DENND1A: variants seen among roughly 807,000 people sequenced by gnomAD.
DENND1A encodes DENN domain containing 1A.
A neutral mutation model predicts 113.7 loss-of-function variants in DENND1A; 51 were observed. That is an observed-to-expected ratio of 0.45 (90% confidence interval 0.36 to 0.57). The LOEUF (loss-of-function observed/expected upper bound fraction) is 0.57, where lower values mean the gene tolerates loss of function less well. DENND1A is among the 20% of genes least tolerant of loss of function. The probability of loss-of-function intolerance (pLI) is 0.00; values close to 1 mark genes in which losing one functional copy is unlikely to be tolerated. For synonymous variants in DENND1A, 565 were observed against 570.8 expected (o/e 0.99, Z 0.14); for missense variants, 1,258 against 1,395.9 (o/e 0.90, Z 1.57).
intron 10 of DENND1A, among the ~76,000 whole-genome samples, chr9:123,613,461 A>G (rs1446983341): frequency 6.6e-6 from 1 of 152,168 alleles, no homozygotes; most frequent in East Asian, 1.9e-4. Context: ...ACCAAAATCC[A>G]TCTACTAGAA....
At chr9:123,716,389 TAA>T (rs1029061775) in intron 5 of DENND1A, among the ~76,000 whole-genome samples, 2 of 152,104 alleles carry the variant, frequency 1.3e-5, no homozygotes, top group African/African-American at 2.4e-5. Context: ...CAGCATTAGC[TAA>T]AAGAGTGTTC....
intron 11 of DENND1A, among the ~76,000 whole-genome samples, chr9:123,603,836 C>T (rs1202512849): frequency 6.6e-6 from 1 of 152,348 alleles, no homozygotes; most frequent in Non-Finnish European, 1.5e-5. Context: ...ACCTCTGTCA[C>T]AGCTTGGTAG....
At chr9:123,876,754 T>TA (rs1244927431) in intron 2 of DENND1A, among the ~76,000 whole-genome samples, 2 of 152,188 alleles carry the variant, frequency 1.3e-5, no homozygotes, top group Non-Finnish European at 2.9e-5. Flanking sequence ...TAAATCATAT[T>TA]AAAAAGATAA....
At chr9:123,846,027 T>G (rs1228573282) in intron 2 of DENND1A, among the ~76,000 whole-genome samples, 1 of 152,184 alleles carries the variant, frequency 6.6e-6, no homozygotes, top group East Asian at 1.9e-4. Flanking sequence ...TGGTAATTTT[T>G]TAAACGACCC....
intron 4 of DENND1A, among the ~76,000 whole-genome samples, chr9:123,761,349 G>GGTCA (rs2071021694): frequency 6.6e-6 from 1 of 152,182 alleles, no homozygotes; most frequent in South Asian, 2.1e-4. Flanking sequence ...TTAGTATAAA[G>GGTCA]GTCAGTCCAG....
intron 21 of DENND1A, among the ~76,000 whole-genome samples, chr9:123,398,434 G>T (rs1183166750): frequency 2.0e-5 from 3 of 152,128 alleles, no homozygotes; most frequent in African/African-American, 7.2e-5. Context: ...GAGTGCAGTG[G>T]TGCGATCTCG....
At chr9:123,726,224 T>C (rs1490201191) in intron 5 of DENND1A, among the ~76,000 whole-genome samples, 2 of 152,240 alleles carry the variant, frequency 1.3e-5, no homozygotes, top group Non-Finnish European at 2.9e-5. Flanking sequence ...GGACTTTACA[T>C]GTATTTCATT....
At chr9:123,556,774 T>C (rs912014241) in intron 13 of DENND1A, among the ~76,000 whole-genome samples, 1 of 152,238 alleles carries the variant, frequency 6.6e-6, no homozygotes, top group Non-Finnish European at 1.5e-5. Flanking sequence ...CCCAGGTCCC[T>C]AGGCCAGTTC....
intron 16 of DENND1A, among the ~76,000 whole-genome samples, chr9:123,453,838 G>C (rs765471434): frequency 3.9e-5 from 6 of 152,166 alleles, no homozygotes; most frequent in Non-Finnish European, 8.8e-5. Flanking sequence ...ATTCCATACT[G>C]CTTTCCAAAA....
At chr9:123,468,418 G>A (rs2049127437) in intron 13 of DENND1A, among the ~76,000 whole-genome samples, 1 of 152,166 alleles carries the variant, frequency 6.6e-6, no homozygotes, top group African/African-American at 2.4e-5. Context: ...ACAACCCCTG[G>A]TACAGGTGAA....
chr9:123,536,203 A>G (rs1024562582), intron 13 of DENND1A, among the ~76,000 whole-genome samples: 1 of 152,180 alleles, frequency 6.6e-6, no homozygotes, highest in Non-Finnish European at 1.5e-5. Flanking sequence ...TTGGACAGGC[A>G]TAGTAGCTCA....
intron 18 of DENND1A, among the ~76,000 whole-genome samples, chr9:123,449,700 G>A (rs1183614086): frequency 6.6e-6 from 1 of 152,176 alleles, no homozygotes; most frequent in East Asian, 1.9e-4. Context: ...GCAGCAGCCT[G>A]GATGGGATTG....
intron 5 of DENND1A, among the ~76,000 whole-genome samples, chr9:123,749,343 A>G (rs2069804613): frequency 6.6e-6 from 1 of 152,254 alleles, no homozygotes; most frequent in Non-Finnish European, 1.5e-5. Context: ...ATATACATAT[A>G]GAAAGAGAGG....
chr9:123,436,392 A>C (rs2046521859), intron 19 of DENND1A, among the ~76,000 whole-genome samples: 1 of 152,224 alleles, frequency 6.6e-6, no homozygotes. Flanking sequence ...TCACATTCTC[A>C]GGTGAAGTGT....
At chr9:123,651,891 C>T in intron 9 of DENND1A, 122 bp downstream of exon 9, 1 of 661,218 alleles carries the variant, frequency 1.5e-6, no homozygotes, top group Non-Finnish European at 2.4e-6. Flanking sequence ...ATGAAAATGA[C>T]ATGCTGCCAT....
At chr9:123,810,541 T>C (rs943310444) in intron 2 of DENND1A, among the ~76,000 whole-genome samples, 4 of 124,410 alleles carry the variant, frequency 3.2e-5, no homozygotes, top group African/African-American at 1.3e-4. Flanking sequence ...GTGAAAACCA[T>C]GTCTCTACAA....
At position 123,477,308 on chromosome 9, in the gene DENND1A, C is replaced by T. The variant is rs201253897; in HGVS notation, c.994-19411G>A. Among the ~76,000 whole-genome samples the T allele has an allele frequency of 3.9e-5, 6 of 152,200 alleles. No individual in the cohort carries two copies. The East Asian group carries it at 1.2e-3, about 29-fold the overall frequency. ...GCGTTGGGAGGCCAAGGCAAGATTGCTTTGGGCCAAGGCGGGAGAATTGCT... is the reference window on the plus strand; with the variant it reads ...GCGTTGGGAGGCCAAGGCAAGATTGTTTTGGGCCAAGGCGGGAGAATTGCT... On this transcript the variant is annotated intron_variant, in intron 13 of 23. Coordinates refer to ENST00000394215, the MANE Select transcript of DENND1A (RefSeq NM_001352964.2).
chr9:123,428,930 A>G (rs955986291), intron 19 of DENND1A, among the ~76,000 whole-genome samples: 3 of 152,260 alleles, frequency 2.0e-5, no homozygotes, highest in Non-Finnish European at 4.4e-5. Context: ...GCTCATGGAT[A>G]GAAAGAATCA....
intron 5 of DENND1A, among the ~76,000 whole-genome samples, chr9:123,698,013 C>T (rs1298059605): frequency 1.3e-5 from 2 of 152,172 alleles, no homozygotes; most frequent in Non-Finnish European, 2.9e-5. Context: ...GATAGGCAGA[C>T]CTGCAGATAA....
Sources: allele counts gnomAD v4.1 joint callset (sites outside exome capture counted in the v4.1 genomes callset), GRCh38; gene constraint gnomAD v4.1.1; transcripts MANE v1.5; gene names NCBI Gene and HGNC (gene_info 2026-07-23, HGNC 2026-07-21).